The following TP53TG5 variants were observed in gnomAD, a reference collection of about 807,000 sequenced individuals.
The protein encoded by TP53TG5 is TP53-target gene 5 protein.
Under a neutral mutation model 30.0 loss-of-function variants are expected in TP53TG5, and 17 were observed. That is an observed-to-expected ratio of 0.57 (90% CI 0.39 to 0.85). The LOEUF is 0.85. TP53TG5 is among the 40% of genes least tolerant of loss of function. The pLI, the probability that TP53TG5 is intolerant of heterozygous loss-of-function variation, is 0.00. For synonymous variants in TP53TG5, 137 were observed against 139.2 expected (o/e 0.98, Z 0.11); for missense variants, 338 against 367.9 (o/e 0.92, Z 0.67).
In TP53TG5 at chr20:45,373,400, A is replaced by G. The variant is rs1988615773; in HGVS notation, c.*507T>C. On this transcript the variant is annotated 3_prime_UTR_variant, in exon 5 of 5. Transcript: ENST00000372726. The stretch of plus-strand genomic sequence containing the variant: ...GCCACAGTGCAATCAGTTTTTGACA[A>G]TCAATTTTTGACAATCAGGTCGCAA... The G allele has an allele frequency of 1.2e-5, 2 of 169,152 alleles. No individual in the cohort carries two copies. The highest frequency in any genetic ancestry group is 5.5e-5 in the Admixed American group (1 of 18,036). 10.5% of individuals were successfully genotyped at this position (169,152 alleles called of 1,614,324 possible).
intron 4 of TP53TG5, 45 bp from the exon 5 acceptor site, chr20:45,374,056 G>A: frequency 1.3e-6 from 2 of 1,593,100 alleles, no homozygotes; most frequent in South Asian, 2.2e-5. Context: ...CTGTCCCCAG[G>A]GGGCGCTGGT....
chr20:45,376,930 A>G (rs760640), intron 3 of TP53TG5: 207,781 of 332,142 alleles, frequency 0.63, 67,388 homozygotes, highest in African/African-American at 0.75. Context: ...TGAAGTGAGC[A>G]CCACAACTGG....
In TP53TG5 at chr20:45,375,265, C is replaced by T. The variant is rs765602712; in HGVS notation, c.542G>A (p.Gly181Asp). 24 of 1,614,122 alleles carry T rather than the reference C, an allele frequency of 1.5e-5. No homozygotes were observed. The South Asian group carries it at 2.5e-4, about 17-fold the overall frequency. Residue 181 changes from glycine to aspartate, a missense_variant, in exon 4 of 5, where the codon GGC (glycine) becomes GAC (aspartate). Physicochemically the swap from Gly to Asp is moderately conservative, Grantham distance 94. Coordinates refer to ENST00000372726, the MANE Select transcript of TP53TG5 (RefSeq NM_014477.3). Reference protein sequence around the residue: ...GVQGRQPLTEGPRVIFIKPYR... With the variant: ...GVQGRQPLTEDPRVIFIKPYR... ...GGGCTTAATGAAGATGACTCGGGGG[C>T]CCTCGGTGAGTGGTTGCCTCCCCTG...
rs562460906 is a variant in TP53TG5 at position 45,373,741 on chromosome 20, C to T, written c.*166G>A. On this transcript the variant is annotated 3_prime_UTR_variant, in exon 5 of 5. Coordinates refer to ENST00000372726, the MANE Select transcript of TP53TG5 (RefSeq NM_014477.3). ...GTGGGGGAGGGGTGCTGCTCGCTGG[C>T]TTCTTTGGTTCTAGACTGACCTTAG... 15 of 592,250 alleles carry T rather than the reference C, an allele frequency of 2.5e-5. No homozygotes were observed. Among genetic ancestry groups the T allele is most frequent in the South Asian group, 2.5e-4 (13 of 52,034 alleles). 36.7% of individuals were successfully genotyped at this position (592,250 alleles called of 1,614,324 possible).
At chr20:45,375,820 T>C (rs865806008) in intron 3 of TP53TG5, 14 of 446,152 alleles carry the variant, frequency 3.1e-5, no homozygotes, top group South Asian at 5.9e-5. Context: ...GCCACTAGAT[T>C]AGGGTTCTGT....
rs758347225 is a variant in TP53TG5, at chr20:45,377,257, C to CA, written c.208dup (p.Trp70LeufsTer23). 1.2e-6 allele frequency: 2 copies of CA among 1,614,028 alleles called. No homozygotes were observed. Among genetic ancestry groups the CA allele is most frequent in the Non-Finnish European group, 1.7e-6 (2 of 1,180,048 alleles). ...CTTTGGAACACTGAGCAGTGAATGC[C>CA]AACACCTTTTGGCCAGCTTATGCAG... On this transcript the variant is annotated frameshift_variant, in exon 3 of 5. Transcript: ENST00000372726. LOFTEE classifies it high-confidence loss of function.
Position 45,375,030 on chromosome 20 carries a change from C to A in TP53TG5, c.768+9G>T. ...TCACCTAGCCTGGCAGTGTTGTTGT[C>A]ACACCCACCTTGTATGGATGCCACA... is the stretch of plus-strand genomic sequence containing the variant. On this transcript the variant is annotated intron_variant, in intron 4 of 4. Transcript: ENST00000372726. The A allele has an allele frequency of 6.2e-7, 1 of 1,607,506 alleles. No individual in the cohort carries two copies. Among genetic ancestry groups the A allele is most frequent in the South Asian group, 1.1e-5 (1 of 90,626 alleles).
chr20:45,376,505 A>G (rs1309781606), intron 3 of TP53TG5: 1 of 152,252 alleles, frequency 6.6e-6, no homozygotes, highest in Non-Finnish European at 1.5e-5. Context: ...ACGGGCTCAG[A>G]TTCTGCTTCT....
chr20:45,377,549 C>T lies in TP53TG5; in HGVS notation c.113G>A (p.Arg38His), dbSNP rs372226343. The change falls in exon 2 of 5, where the codon CGT becomes CAT. Residue 38 changes from arginine (R) to histidine (H), a missense_variant. Transcript: ENST00000372726. ...AACAGGGCGTCTCACCGTTCTCAGA[C>T]GGTTCCGCTCAATTACTTTGCTCAC... ...QPVSKVIERN[R>H]LRTVLKNLSL... 39 of 1,614,070 alleles carry T rather than the reference C, an allele frequency of 2.4e-5. No individual in the cohort carries two copies. The highest frequency in any genetic ancestry group is 9.9e-5 in the South Asian group (9 of 91,048).
At chr20:45,374,415 G>T in intron 4 of TP53TG5, 1 of 586,514 alleles carries the variant, frequency 1.7e-6, no homozygotes, top group South Asian at 2.2e-5. Context: ...GATACTACAA[G>T]CGCAAGGCAC....
At position 45,373,635 on chromosome 20, in the gene TP53TG5, T is replaced by G; in HGVS notation, c.*272A>C. 5.4e-5 allele frequency: 25 copies of G among 460,066 alleles called. No homozygotes were observed. Among genetic ancestry groups the G allele is most frequent in the Non-Finnish European group, 7.9e-5 (20 of 251,938 alleles). The allele number at this position is 460,066 out of a possible 1,614,324, so 28.5% of individuals were successfully genotyped here. A position where few individuals can be genotyped will look rare whatever the true frequency, so the allele number is the denominator to read the frequency against. The stretch of plus-strand genomic sequence containing the variant: ...TTCCTCTTGCGAGCTCGCGGGGCGA[T>G]TGTGAGGCACTTTGCACCCAGGAAG... On this transcript the variant is annotated 3_prime_UTR_variant, in exon 5 of 5. Transcript: ENST00000372726.
chr20:45,375,265 C>A lies in TP53TG5; in HGVS notation c.542G>T (p.Gly181Val), dbSNP rs765602712. 26 of 1,614,122 alleles carry A rather than the reference C, an allele frequency of 1.6e-5. No individual in the cohort carries two copies. The highest frequency in any genetic ancestry group is 2.0e-5 in the Non-Finnish European group (24 of 1,180,008). ...GVQGRQPLTE[G>V]PRVIFIKPYR... The stretch of plus-strand genomic sequence containing the variant: ...GGGCTTAATGAAGATGACTCGGGGG[C>A]CCTCGGTGAGTGGTTGCCTCCCCTG... The change falls in exon 4 of 5, where the codon GGC becomes GTC. Residue 181 changes from glycine to valine, a missense_variant. Physicochemically the swap from Gly to Val is moderately radical, Grantham distance 109. Transcript: ENST00000372726.
chr20:45,373,930 G>A lies in TP53TG5; in HGVS notation c.850C>T (p.Arg284Ter). The A allele has an allele frequency of 3.1e-6, 5 of 1,613,926 alleles. No homozygotes were observed. Among genetic ancestry groups the A allele is most frequent in the Non-Finnish European group, 8.5e-7 (1 of 1,179,988 alleles). The change falls in exon 5 of 5, where the codon CGA becomes TGA. Residue 284 changes from arginine (R) to a stop codon, truncating the protein, a stop_gained. Transcript: ENST00000372726. LOFTEE classifies it high-confidence loss of function. ...TCTTATTTGTAGACTCGTGAATTTC[G>A]CCACCCATTCCTCCCCTTCAGCTGA... Reference protein sequence around the residue: ...RHQLKGRNGWRNSRVYK With the variant: ...RHQLKGRNGW
chr20:45,374,407 T>G, intron 4 of TP53TG5: 1 of 603,078 alleles, frequency 1.7e-6, no homozygotes, highest in Admixed American at 3.0e-5. Context: ...GAGTAGCTGA[T>G]ACTACAAGCG....
intron 4 of TP53TG5, 165 bp downstream of exon 4, chr20:45,374,874 G>A: frequency 2.2e-6 from 2 of 905,744 alleles, no homozygotes; most frequent in Non-Finnish European, 1.7e-6. Context: ...TATGATGTTG[G>A]TCTAAGGCTT....
At position 45,373,716 on chromosome 20, in the gene TP53TG5, G is replaced by T. The variant is rs974126244; in HGVS notation, c.*191C>A. ...CCACTCAGGAGACTAGCTCGCGGAG[G>T]TGGGGGAGGGGTGCTGCTCGCTGGC... On this transcript the variant is annotated 3_prime_UTR_variant, in exon 5 of 5. Transcript: ENST00000372726. 1.7e-6 allele frequency: 1 copy of T among 604,480 alleles called. No homozygotes were observed. Among genetic ancestry groups the T allele is most frequent in the Non-Finnish European group, 2.9e-6 (1 of 339,428 alleles). The allele number at this position is 604,480 out of a possible 1,614,324, so 37.4% of individuals were successfully genotyped here. A position where few individuals can be genotyped will look rare whatever the true frequency, so the allele number is the denominator to read the frequency against.
At position 45,373,732 on chromosome 20, in the gene TP53TG5, G is replaced by A. The variant is rs1988628462; in HGVS notation, c.*175C>T. The A allele has an allele frequency of 1.6e-6, 1 of 622,642 alleles. No individual in the cohort carries two copies. The highest frequency in any genetic ancestry group is 2.8e-6 in the Non-Finnish European group (1 of 353,156). 38.6% of individuals were successfully genotyped at this position (622,642 alleles called of 1,614,324 possible). A position where few individuals can be genotyped will look rare whatever the true frequency, so the allele number is the denominator to read the frequency against. ...CTCGCGGAGGTGGGGGAGGGGTGCT[G>A]CTCGCTGGCTTCTTTGGTTCTAGAC... On this transcript the variant is annotated 3_prime_UTR_variant, in exon 5 of 5. Transcript: ENST00000372726.
intron 4 of TP53TG5, 66 bp from the exon 5 acceptor site, chr20:45,374,077 G>T: frequency 6.8e-7 from 1 of 1,480,000 alleles, no homozygotes; most frequent in Non-Finnish European, 9.4e-7. Context: ...CGTTTGGGGA[G>T]CGGGCGCAGG....
chr20:45,375,038 C>A lies in TP53TG5; in HGVS notation c.768+1G>T. ...CCTGGCAGTGTTGTTGTCACACCCACCTTGTATGGATGCCACATAGGCATT... is the reference window on the plus strand; with the variant it reads ...CCTGGCAGTGTTGTTGTCACACCCAACTTGTATGGATGCCACATAGGCATT... On this transcript the variant is annotated splice_donor_variant, in intron 4 of 4. Transcript: ENST00000372726. LOFTEE classifies it high-confidence loss of function. The A allele has an allele frequency of 6.2e-7, 1 of 1,612,132 alleles. No individual in the cohort carries two copies. Among genetic ancestry groups the A allele is most frequent in the Non-Finnish European group, 8.5e-7 (1 of 1,178,526 alleles).
Sources: gnomAD v4.1 joint callset for allele counts on GRCh38, gnomAD v4.1.1 for gene constraint, MANE v1.5 for transcripts, NCBI Gene and HGNC (gene_info 2026-07-23, HGNC 2026-07-21) for gene names.